Variants in ACACA observed in about 807,000 individuals in gnomAD.
ACACA encodes acetyl-CoA carboxylase 1.
In ACACA, 103 loss-of-function variants were observed where a neutral mutation model predicts 296.1. The observed-to-expected ratio is 0.35, with a 90% CI of 0.30 to 0.41. ACACA has a LOEUF of 0.41. Among genes scored for constraint, ACACA ranks in the 10% least tolerant of loss-of-function variants. The probability of loss-of-function intolerance (pLI) is 1.00; values close to 1 mark genes in which losing one functional copy is unlikely to be tolerated. For synonymous variants in ACACA, 953 were observed against 1,038.6 expected (o/e 0.92, Z 1.58); for missense variants, 1,554 against 2,989.7 (o/e 0.52, Z 11.20).
chr17:37,271,907 G>C (rs2082088943), intron 9 of ACACA, among the ~76,000 whole-genome samples: 1 of 152,202 alleles, frequency 6.6e-6, no homozygotes, highest in Non-Finnish European at 1.5e-5. Flanking sequence ...GAGAGGCAAA[G>C]GTTGCAATGA....
At chr17:37,330,122 G>A (rs2047805300) in intron 3 of ACACA, 51 bp downstream of exon 3, 1 of 1,609,262 alleles carries the variant, frequency 6.2e-7, no homozygotes, top group South Asian at 1.1e-5. Flanking sequence ...AACATAATCA[G>A]CAAAACTAAC....
intron 3 of ACACA, among the ~76,000 whole-genome samples, chr17:37,324,697 T>C (rs966203723): frequency 3.6e-4 from 52 of 143,004 alleles, no homozygotes; most frequent in African/African-American, 1.4e-3. Flanking sequence ...TTGCCAGGCA[T>C]GGTGGCGCAT....
chr17:37,135,606 T>C (rs926984170), intron 45 of ACACA, among the ~76,000 whole-genome samples: 2 of 152,104 alleles, frequency 1.3e-5, no homozygotes, highest in African/African-American at 2.4e-5. Context: ...AGGCTGAATA[T>C]AGGCCAGAAA....
At chr17:37,121,086 T>A (rs572411032) in intron 50 of ACACA, among the ~76,000 whole-genome samples, 19 of 152,252 alleles carry the variant, frequency 1.2e-4, no homozygotes, top group African/African-American at 4.6e-4. Flanking sequence ...ATCAGAATGG[T>A]CCAGCATCCA....
intron 52 of ACACA, among the ~76,000 whole-genome samples, chr17:37,105,030 C>T (rs1032611216): frequency 2.0e-5 from 3 of 151,164 alleles, no homozygotes; most frequent in Non-Finnish European, 2.9e-5. Context: ...TTTTGCCCAG[C>T]CATATCACTT....
At chr17:37,365,653 G>C in intron 1 of ACACA, 5 of 985,366 alleles carry the variant, frequency 5.1e-6, no homozygotes, top group Non-Finnish European at 6.0e-6. Context: ...CTTTGCTCTT[G>C]TTAATCACTC....
At chr17:37,360,962 A>T (rs1160652685) in intron 1 of ACACA, among the ~76,000 whole-genome samples, 1 of 152,098 alleles carries the variant, frequency 6.6e-6, no homozygotes, top group African/African-American at 2.4e-5. Context: ...AAAGAACTAA[A>T]AACCATGCGG....
intron 5 of ACACA, among the ~76,000 whole-genome samples, chr17:37,278,593 C>T (rs1158009169): frequency 1.3e-5 from 2 of 152,124 alleles, no homozygotes; most frequent in Non-Finnish European, 1.5e-5. Context: ...TACAGTATTC[C>T]CTTTCAAATT....
chr17:37,289,673 T>C (rs796083855), intron 3 of ACACA: 10 of 469,154 alleles, frequency 2.1e-5, no homozygotes, highest in African/African-American at 2.0e-4. Context: ...CTATTACAGC[T>C]TGGCTTTCTC....
At chr17:37,349,267 G>A (rs1489728769) in intron 1 of ACACA, among the ~76,000 whole-genome samples, 1 of 150,228 alleles carries the variant, frequency 6.7e-6, no homozygotes, top group Non-Finnish European at 1.5e-5. Flanking sequence ...TGCCACATTG[G>A]CCAGGCTGGT....
chr17:37,346,016 T>C (rs2048596723), intron 1 of ACACA, among the ~76,000 whole-genome samples: 1 of 151,992 alleles, frequency 6.6e-6, no homozygotes, highest in African/African-American at 2.4e-5. Context: ...AGTTTCACAT[T>C]ACAATGAGCT....
chr17:37,345,637 A>C (rs1182073199), intron 1 of ACACA, among the ~76,000 whole-genome samples: 2 of 152,178 alleles, frequency 1.3e-5, no homozygotes, highest in Non-Finnish European at 2.9e-5. Flanking sequence ...ACCATTAAAA[A>C]CTACAGGGGT....
chr17:37,194,568 A>T (rs2077905128), intron 35 of ACACA, among the ~76,000 whole-genome samples: 1 of 152,176 alleles, frequency 6.6e-6, no homozygotes, highest in South Asian at 2.1e-4. Context: ...ATTATAATCT[A>T]AATTCCTCAT....
chr17:37,213,130 C>A (rs750446035), intron 29 of ACACA, among the ~76,000 whole-genome samples: 1 of 151,600 alleles, frequency 6.6e-6, no homozygotes, highest in Non-Finnish European at 1.5e-5. Context: ...CCAGCCCAGG[C>A]AACATCTCCA....
intron 52 of ACACA, among the ~76,000 whole-genome samples, chr17:37,107,445 T>C (rs886133081): frequency 2.0e-5 from 3 of 152,178 alleles, no homozygotes; most frequent in Non-Finnish European, 4.4e-5. Flanking sequence ...AAGGCATTCC[T>C]GAAGATTTTT....
intron 1 of ACACA, among the ~76,000 whole-genome samples, chr17:37,381,954 CT>C (rs1244826788): frequency 2.0e-5 from 3 of 152,132 alleles, no homozygotes; most frequent in East Asian, 1.9e-4. Context: ...TACTAGCCCC[CT>C]ATTGATATAT....
chr17:37,218,928 G>A (rs2079156857), intron 29 of ACACA, among the ~76,000 whole-genome samples: 1 of 152,202 alleles, frequency 6.6e-6, no homozygotes, highest in Admixed American at 6.5e-5. Flanking sequence ...TTTGGCCATT[G>A]TCTCTGGTTC....
At chr17:37,292,915 G>A (rs1381846743) in intron 3 of ACACA, among the ~76,000 whole-genome samples, 2 of 152,048 alleles carry the variant, frequency 1.3e-5, no homozygotes, top group Non-Finnish European at 2.9e-5. Flanking sequence ...CTTCAGTGCC[G>A]GCACTACCCG....
rs2302802 is a variant in ACACA, at chr17:37,277,067, C to T, written c.768G>A (p.Pro256=). 374 of 1,614,048 alleles carry T rather than the reference C, an allele frequency of 2.3e-4. No individual in the cohort carries two copies. In the East Asian group the frequency reaches 5.9e-3, roughly 26 times the overall value. The change falls in exon 7 of 56, where the codon CCG becomes CCA. Residue 256 remains proline (P), a synonymous_variant. Coordinates refer to ENST00000616317, the MANE Select transcript of ACACA (RefSeq NM_198834.3). ...CAATGCCATTTTTCAAGAGAAGTTCCGGTAGTTTGGGATTCTCAGAAGCAT... is the reference window on the plus strand; with the variant it reads ...CAATGCCATTTTTCAAGAGAAGTTCTGGTAGTTTGGGATTCTCAGAAGCAT... ...WGHASENPKL[P]ELLLKNGIAF...
Sources: allele counts gnomAD v4.1 joint callset (sites outside exome capture counted in the v4.1 genomes callset), GRCh38; gene constraint gnomAD v4.1.1; transcripts MANE v1.5; gene names NCBI Gene and HGNC (gene_info 2026-07-23, HGNC 2026-07-21).